Variants in PCSK5 observed in about 807,000 individuals in gnomAD.
PCSK5 encodes the protein prohormone convertase 5.
A neutral mutation model predicts 233.2 loss-of-function variants in PCSK5; 129 were observed. The ratio of observed to expected loss-of-function variants is 0.55; its 90% CI spans 0.48 to 0.64. The LOEUF (loss-of-function observed/expected upper bound fraction) is 0.64. PCSK5 is among the 30% of genes least tolerant of loss of function. The probability of loss-of-function intolerance (pLI) is 0.00; values close to 1 mark genes in which losing one functional copy is unlikely to be tolerated. For synonymous variants in PCSK5, 825 were observed against 879.2 expected, an observed-to-expected ratio of 0.94 and a Z score of 1.09; for missense variants, 2,076 against 2,430.1, an observed-to-expected ratio of 0.85 and a Z score of 3.06.
rs557441759 is a variant in PCSK5, at chr9:76,260,487, T to A, written c.3142+19803T>A. Among the ~76,000 whole-genome samples the A allele has an allele frequency of 1.4e-4, 21 of 152,278 alleles. No homozygotes were observed. The South Asian group carries it at 4.4e-3, about 32-fold the overall frequency. Reference sequence around the variant, plus strand: ...GACAGACGAGACAGGAGAGAAACCATCACTGATAGCCGTGAAGCTGGCAGA... The same window carrying A: ...GACAGACGAGACAGGAGAGAAACCAACACTGATAGCCGTGAAGCTGGCAGA... On this transcript the variant is annotated intron_variant, in intron 24 of 37. Transcript: ENST00000674117.
chr9:76,254,590 G>C (rs577983782), intron 24 of PCSK5, among the ~76,000 whole-genome samples: 1 of 152,256 alleles, frequency 6.6e-6, no homozygotes, highest in Non-Finnish European at 1.5e-5. Context: ...TCAATAGGTA[G>C]GCTGTCAGCT....
At position 76,310,671 on chromosome 9, in the gene PCSK5, C is replaced by T; in HGVS notation, c.3704C>T (p.Ala1235Val). 1 of 1,585,218 alleles carries T rather than the reference C, an allele frequency of 6.3e-7. No individual in the cohort carries two copies. Among genetic ancestry groups the T allele is most frequent in the South Asian group, 1.2e-5 (1 of 85,836 alleles). ...GAATTTCTAGGTGCATATCTTCTGGCTCAGGCCTGTGTTTCCTCCTGTCCC... is the reference window on the plus strand; with the variant it reads ...GAATTTCTAGGTGCATATCTTCTGGTTCAGGCCTGTGTTTCCTCCTGTCCC... ...TSCPKGAYLL[A>V]QACVSSCPQG... The change falls in exon 30 of 38, where the codon GCT becomes GTT. Residue 1235 changes from alanine to valine, a missense_variant. Ala to Val is a moderately conservative substitution (Grantham distance 64). This residue lies in a region of PCSK5 where 1,510 missense variants were observed against 1,538.1 expected (regional missense o/e 0.98). Coordinates refer to ENST00000674117, the MANE Select transcript of PCSK5 (RefSeq NM_001372043.1).
At chr9:75,944,724 A>G (rs1399555232) in intron 2 of PCSK5, among the ~76,000 whole-genome samples, 1 of 152,152 alleles carries the variant, frequency 6.6e-6, no homozygotes, top group Non-Finnish European at 1.5e-5. Flanking sequence ...TTAAATCACC[A>G]TTATGCTGGT....
intron 9 of PCSK5, among the ~76,000 whole-genome samples, chr9:76,115,132 T>G (rs1832373475): frequency 6.6e-6 from 1 of 152,112 alleles, no homozygotes; most frequent in African/African-American, 2.4e-5. Flanking sequence ...TACCCTTTAT[T>G]CTCCCCATGG....
intron 1 of PCSK5, among the ~76,000 whole-genome samples, chr9:75,924,177 A>G (rs1823376113): frequency 2.6e-5 from 4 of 152,146 alleles, no homozygotes; most frequent in African/African-American, 4.8e-5. Context: ...ATCTGAAATC[A>G]TAGAGATTAT....
intron 20 of PCSK5, among the ~76,000 whole-genome samples, chr9:76,205,639 G>T (rs190388475): frequency 5.1e-4 from 78 of 152,292 alleles, no homozygotes; most frequent in African/African-American, 1.8e-3. Context: ...ATACAGGCAG[G>T]TGCTTTAAAC....
At chr9:76,331,255 T>C (rs1446171235) in intron 33 of PCSK5, among the ~76,000 whole-genome samples, 1 of 152,142 alleles carries the variant, frequency 6.6e-6, no homozygotes. Flanking sequence ...CCTGTAAATG[T>C]ATTACTCTAC....
At chr9:75,960,949 T>C (rs1367548067) in intron 2 of PCSK5, among the ~76,000 whole-genome samples, 1 of 32,692 alleles carries the variant, frequency 3.1e-5, no homozygotes, top group East Asian at 6.1e-4. Flanking sequence ...ATGACTCTTC[T>C]ATAAGGAAAT....
chr9:76,171,823 G>C (rs1341992246), intron 13 of PCSK5, among the ~76,000 whole-genome samples: 1 of 152,134 alleles, frequency 6.6e-6, no homozygotes, highest in African/African-American at 2.4e-5. Flanking sequence ...TACTGGCCTG[G>C]AGACTTTAAT....
In PCSK5 at chr9:76,027,017, T is replaced by C. The variant is rs752669465; in HGVS notation, c.612T>C (p.Tyr204=). 1.9e-6 allele frequency: 3 copies of C among 1,609,556 alleles called. No individual in the cohort carries two copies. The South Asian group carries it at 3.3e-5, about 18-fold the overall frequency. The change falls in exon 5 of 38, where the codon TAT becomes TAC. Residue 204 remains tyrosine, a synonymous_variant. Coordinates refer to ENST00000674117, the MANE Select transcript of PCSK5 (RefSeq NM_001372043.1). The part of the protein sequence containing the change: ...NGNDLDPMPR[Y]DASNENKHGT... ...ATGACTTGGACCCAATGCCTCGTTATGATGCAAGCAACGAGAACAAGTAAG... is the reference window on the plus strand; with the variant it reads ...ATGACTTGGACCCAATGCCTCGTTACGATGCAAGCAACGAGAACAAGTAAG...
At chr9:76,325,997 T>A (rs1829349521) in intron 32 of PCSK5, among the ~76,000 whole-genome samples, 1 of 152,106 alleles carries the variant, frequency 6.6e-6, no homozygotes, top group Non-Finnish European at 1.5e-5. Context: ...GAAGAAACAG[T>A]GACAACCTGA....
intron 22 of PCSK5, among the ~76,000 whole-genome samples, chr9:76,237,682 G>A (rs1381775772): frequency 1.3e-5 from 2 of 152,018 alleles, no homozygotes; most frequent in Non-Finnish European, 2.9e-5. Context: ...AGGCTGAGGC[G>A]GGAGGATCAC....
chr9:76,234,082 T>G (rs1353545250), intron 22 of PCSK5, among the ~76,000 whole-genome samples: 1 of 152,118 alleles, frequency 6.6e-6, no homozygotes, highest in African/African-American at 2.4e-5. Flanking sequence ...TTTCCTGCTG[T>G]CATTGGATTC....
intron 35 of PCSK5, among the ~76,000 whole-genome samples, chr9:76,350,155 T>A (rs1269395749): frequency 6.6e-6 from 1 of 151,202 alleles, no homozygotes; most frequent in Non-Finnish European, 1.5e-5. Context: ...GGATTATGAG[T>A]CAACAAACTT....
chr9:76,245,118 T>C (rs1388225751), intron 24 of PCSK5, among the ~76,000 whole-genome samples: 1 of 152,226 alleles, frequency 6.6e-6, no homozygotes, highest in African/African-American at 2.4e-5. Flanking sequence ...CTCTTAACTA[T>C]AACCTGAGAT....
chr9:76,210,784 C>A (rs1204870941), intron 20 of PCSK5, among the ~76,000 whole-genome samples: 1 of 152,088 alleles, frequency 6.6e-6, no homozygotes, highest in Non-Finnish European at 1.5e-5. Flanking sequence ...GAAGATAAAT[C>A]CACCATATGG....
At chr9:76,225,590 T>C (rs888963761) in intron 20 of PCSK5, among the ~76,000 whole-genome samples, 1 of 152,190 alleles carries the variant, frequency 6.6e-6, no homozygotes, top group Non-Finnish European at 1.5e-5. Flanking sequence ...GCTCAATTGA[T>C]TGTGCCTCCT....
chr9:76,351,447 GGAAAGAAAGAAAGAAAGAAAGAAA>G (rs771387185), intron 36 of PCSK5, among the ~76,000 whole-genome samples: 529 of 27,458 alleles, frequency 0.019, 22 homozygotes, highest in East Asian at 0.044. Context: ...GTGAAAGAAA[GGAAAGAAAGAAAGAAAGAAAGAAA>G]GAAAGAAAGA....
At chr9:76,310,448 GA>G (rs1451631583) in intron 29 of PCSK5, among the ~76,000 whole-genome samples, 1 of 152,140 alleles carries the variant, frequency 6.6e-6, no homozygotes, top group African/African-American at 2.4e-5. Context: ...TGTAGGATAG[GA>G]AAGAAACAGG....
Sources: allele counts gnomAD v4.1 joint callset (sites outside exome capture counted in the v4.1 genomes callset), GRCh38; gene constraint gnomAD v4.1.1; regional missense constraint gnomAD v4.1.1; transcripts MANE v1.5; gene names NCBI Gene and HGNC (gene_info 2026-07-23, HGNC 2026-07-21).